The following SLC6A17 variants were observed in gnomAD, a reference collection of about 807,000 sequenced individuals.
SLC6A17 encodes solute carrier family 6 member 17.
A neutral mutation model predicts 64.5 loss-of-function variants in SLC6A17; 21 were observed. The ratio of observed to expected loss-of-function variants is 0.33; its 90% CI spans 0.23 to 0.47. SLC6A17 has a LOEUF of 0.47. SLC6A17 is among the 20% of genes least tolerant of loss of function. SLC6A17 has a pLI of 1.00. For synonymous variants in SLC6A17, 372 were observed against 399.5 expected (o/e 0.93, Z 0.82); for missense variants, 682 against 963.2 (o/e 0.71, Z 3.86).
At chr1:110,177,272 A>C (rs2101849895) in intron 6 of SLC6A17, among the ~76,000 whole-genome samples, 1 of 152,302 alleles carries the variant, frequency 6.6e-6, no homozygotes, top group East Asian at 1.9e-4. Context: ...ATTAAAGATA[A>C]TAGACTACAT....
chr1:110,187,123 A>AAAAAAC (rs1553206857), intron 6 of SLC6A17, among the ~76,000 whole-genome samples: 33,874 of 151,668 alleles, frequency 0.22, 4,145 homozygotes, highest in African/African-American at 0.33. Flanking sequence ...TCTTGTTAAA[A>AAAAAAC]AAAAACAAAA....
At chr1:110,165,205 G>A (rs1008440288) in intron 1 of SLC6A17, among the ~76,000 whole-genome samples, 92 of 152,284 alleles carry the variant, frequency 6.0e-4, no homozygotes, top group African/African-American at 2.0e-3. Flanking sequence ...AGGCCTCTCC[G>A]TTGCGTAACT....
chr1:110,187,344 A>G (rs1023172578), intron 6 of SLC6A17, among the ~76,000 whole-genome samples: 1 of 152,208 alleles, frequency 6.6e-6, no homozygotes, highest in African/African-American at 2.4e-5. Flanking sequence ...CTTACGGAAG[A>G]TGGAAGTGAG....
chr1:110,175,092 T>A, intron 5 of SLC6A17, 132 bp downstream of exon 5: 1 of 1,157,122 alleles, frequency 8.6e-7, no homozygotes, highest in Non-Finnish European at 1.2e-6. Context: ...CAGAGGAGGG[T>A]GTGGAAGTAT....
intron 8 of SLC6A17, among the ~76,000 whole-genome samples, chr1:110,193,015 C>T (rs1269083666): frequency 6.6e-6 from 1 of 152,198 alleles, no homozygotes; most frequent in Non-Finnish European, 1.5e-5. Context: ...AGGTAATATA[C>T]TCAGAACAGT....
chr1:110,155,578 G>A (rs1269807746), intron 1 of SLC6A17, among the ~76,000 whole-genome samples: 2 of 152,158 alleles, frequency 1.3e-5, no homozygotes, highest in Non-Finnish European at 1.5e-5. Flanking sequence ...ATAGAGCAGA[G>A]GAGTGAGTAC....
chr1:110,156,027 C>G (rs1166820445), intron 1 of SLC6A17, among the ~76,000 whole-genome samples: 1 of 152,110 alleles, frequency 6.6e-6, no homozygotes, highest in East Asian at 1.9e-4. Context: ...TTGCCCAGGT[C>G]TAAAGGAAGG....
intron 1 of SLC6A17, among the ~76,000 whole-genome samples, chr1:110,158,151 C>A (rs1447980080): frequency 6.6e-6 from 1 of 152,110 alleles, no homozygotes; most frequent in Non-Finnish European, 1.5e-5. Context: ...GCTCTGTTCT[C>A]TGTTGTACTA....
chr1:110,161,184 TTG>T (rs911599899), intron 1 of SLC6A17, among the ~76,000 whole-genome samples: 63 of 152,284 alleles, frequency 4.1e-4, no homozygotes, highest in African/African-American at 1.4e-3. Flanking sequence ...TAAAAATAAT[TTG>T]TGTCTCTGAT....
At position 110,199,990 on chromosome 1, in the gene SLC6A17, AGGAAAGGAG is replaced by A; in HGVS notation, c.*1550_*1558del. 1 of 397,032 alleles carries A rather than the reference AGGAAAGGAG, an allele frequency of 2.5e-6. No individual in the cohort carries two copies. The highest frequency in any genetic ancestry group is 1.3e-4 in the South Asian group (1 of 7,762). 24.6% of individuals were successfully genotyped at this position (397,032 alleles called of 1,614,324 possible). On this transcript the variant is annotated 3_prime_UTR_variant, in exon 12 of 12. Transcript: ENST00000331565. ...ATGGACGGATGGGGTGGGGGAAGGA[AGGAAAGGAG>A]GGAGAAAGGAGGGAATACTGGCTCC... is the stretch of plus-strand genomic sequence containing the variant.
intron 11 of SLC6A17, among the ~76,000 whole-genome samples, 181 bp downstream of exon 11, chr1:110,197,780 C>T (rs1170450437): frequency 6.6e-6 from 1 of 152,248 alleles, no homozygotes; most frequent in Non-Finnish European, 1.5e-5. Context: ...CCCTGTAGCA[C>T]AAACGGGGAC....
Position 110,166,872 on chromosome 1 carries a change from C to T in SLC6A17, c.-58C>T. On this transcript the variant is annotated 5_prime_UTR_variant, in exon 2 of 12. Coordinates refer to ENST00000331565, the MANE Select transcript of SLC6A17 (RefSeq NM_001010898.4). ...CTGAATGAGAAGGAGCTGACAGCAG[C>T]TGAATTCCATCTTCTCTGTGTGCTG... 6.5e-7 allele frequency: 1 copy of T among 1,535,442 alleles called. No individual in the cohort carries two copies.
intron 6 of SLC6A17, among the ~76,000 whole-genome samples, chr1:110,188,653 C>T (rs907506168): frequency 6.6e-6 from 1 of 152,188 alleles, no homozygotes; most frequent in African/African-American, 2.4e-5. Context: ...CTTCCCACCC[C>T]ATCCCGATCC....
intron 1 of SLC6A17, among the ~76,000 whole-genome samples, chr1:110,160,220 G>T (rs926423450): frequency 1.3e-5 from 2 of 152,216 alleles, no homozygotes; most frequent in African/African-American, 4.8e-5. Context: ...GTGCTGCAGG[G>T]CTGCACTGGA....
chr1:110,183,904 T>C (rs1017930247), intron 6 of SLC6A17, among the ~76,000 whole-genome samples: 2 of 151,976 alleles, frequency 1.3e-5, no homozygotes, highest in African/African-American at 4.8e-5. Flanking sequence ...GTGAAGTAAC[T>C]GTGTAAGAGA....
intron 1 of SLC6A17, among the ~76,000 whole-genome samples, chr1:110,152,873 A>G (rs1372185532): frequency 3.3e-5 from 5 of 152,184 alleles, no homozygotes; most frequent in African/African-American, 4.8e-5. Flanking sequence ...ACCAGAGGCA[A>G]TTCTTTCTCT....
chr1:110,175,020 C>A (rs1656338461), intron 5 of SLC6A17, 60 bp downstream of exon 5: 4 of 1,557,900 alleles, frequency 2.6e-6, no homozygotes, highest in Non-Finnish European at 3.5e-6. Context: ...GCACAGAGGG[C>A]ACAGGGCTAA....
In SLC6A17 at chr1:110,198,139, G is replaced by T. The variant is rs541534335; in HGVS notation, c.1879G>T (p.Val627Leu). Residue 627 changes from valine to leucine, a missense_variant, in exon 12 of 12, where the codon GTG (valine) becomes TTG (leucine). Coordinates refer to ENST00000331565, the MANE Select transcript of SLC6A17 (RefSeq NM_001010898.4). ...AMALLITLIV[V>L]ATLPIPVVFV... ...GGCACTCCTGATCACCCTCATCGTCGTGGCGACGCTGCCCATCCCTGTGGT... is the reference window on the plus strand; with the variant it reads ...GGCACTCCTGATCACCCTCATCGTCTTGGCGACGCTGCCCATCCCTGTGGT... 1.9e-6 allele frequency: 3 copies of T among 1,613,880 alleles called. No individual in the cohort carries two copies. The highest frequency in any genetic ancestry group is 2.5e-6 in the Non-Finnish European group (3 of 1,179,964).
chr1:110,152,977 C>T (rs749347134), intron 1 of SLC6A17, among the ~76,000 whole-genome samples: 28 of 152,178 alleles, frequency 1.8e-4, no homozygotes, highest in Non-Finnish European at 2.2e-4. Context: ...CTCAGCTTCA[C>T]ATAGACCTGT....
Sources: allele counts gnomAD v4.1 joint callset (sites outside exome capture counted in the v4.1 genomes callset), GRCh38; gene constraint gnomAD v4.1.1; transcripts MANE v1.5; gene names NCBI Gene and HGNC (gene_info 2026-07-23, HGNC 2026-07-21).